The following BRPF3 variants were observed in gnomAD, a reference collection of about 807,000 sequenced individuals.
BRPF3 encodes the protein bromodomain and PHD finger-containing protein 3.
In BRPF3, 18 loss-of-function variants were observed where a neutral mutation model predicts 102.0. That is an observed-to-expected ratio of 0.18 (90% confidence interval 0.12 to 0.26). The LOEUF is 0.26. Ranked by LOEUF, BRPF3 falls within the 10% of genes least tolerant of loss-of-function variation. The probability of loss-of-function intolerance (pLI) is 1.00; values close to 1 mark genes in which losing one functional copy is unlikely to be tolerated. For missense variants in BRPF3, 1,147 were observed against 1,567.8 expected (o/e 0.73, Z 4.53); for synonymous variants, 570 against 614.2 (o/e 0.93, Z 1.06).
chr6:36,216,341 G>T (rs1768326875), intron 8 of BRPF3, among the ~76,000 whole-genome samples: 1 of 152,230 alleles, frequency 6.6e-6, no homozygotes. Context: ...AGATCCTGCT[G>T]TTGGGAAGTA....
At position 36,211,575 on chromosome 6, in the gene BRPF3, C is replaced by T; in HGVS notation, c.2482+15C>T. 6.5e-7 allele frequency: 1 copy of T among 1,548,060 alleles called. No individual in the cohort carries two copies. Among genetic ancestry groups the T allele is most frequent in the Non-Finnish European group, 8.7e-7 (1 of 1,143,864 alleles). Reference sequence around the variant, plus strand: ...TGGGGACAGAGGTGAGAGATAGTCACAGGCAGGCAGGGGGTTGGAGGGTAA... The same window carrying T: ...TGGGGACAGAGGTGAGAGATAGTCATAGGCAGGCAGGGGGTTGGAGGGTAA... On this transcript the variant is annotated intron_variant, in intron 7 of 12. Coordinates refer to ENST00000357641, the MANE Select transcript of BRPF3 (RefSeq NM_015695.3).
intron 4 of BRPF3, among the ~76,000 whole-genome samples, chr6:36,207,646 C>G (rs979078808): frequency 6.6e-6 from 1 of 152,160 alleles, no homozygotes; most frequent in South Asian, 2.1e-4. Flanking sequence ...GATTTCAGCT[C>G]CTGGTGGCCT....
Position 36,210,021 on chromosome 6 carries a change from G to C in BRPF3, c.1866+106G>C. On this transcript the variant is annotated intron_variant, in intron 5 of 12. Transcript: ENST00000357641. This position sits in a 1 kb window ranked among gnomAD's most constrained non-coding sequence, Gnocchi z 4.7. ...ACAGGGTGTACAAAACCAGGGGTAGGAGGGTGGGTCTGGCAAAGCTAGTAG... is the reference window on the plus strand; with the variant it reads ...ACAGGGTGTACAAAACCAGGGGTAGCAGGGTGGGTCTGGCAAAGCTAGTAG... 2.6e-6 allele frequency: 4 copies of C among 1,510,540 alleles called. No homozygotes were observed. The highest frequency in any genetic ancestry group is 1.9e-5 in the Admixed American group (1 of 52,458). The allele number at this position is 1,510,540 out of a possible 1,614,324, so 93.6% of individuals were successfully genotyped here.
At chr6:36,212,331 C>G (rs1322547528) in intron 7 of BRPF3, among the ~76,000 whole-genome samples, 1 of 151,948 alleles carries the variant, frequency 6.6e-6, no homozygotes, top group Non-Finnish European at 1.5e-5. Flanking sequence ...CGCACACAGT[C>G]GAAAAGGCTG....
At chr6:36,219,346 A>C (rs964207480) in intron 9 of BRPF3, among the ~76,000 whole-genome samples, 2 of 152,136 alleles carry the variant, frequency 1.3e-5, no homozygotes, top group African/African-American at 2.4e-5. Flanking sequence ...CAGGCACAGG[A>C]AAGAGAAAGA....
intron 8 of BRPF3, 139 bp downstream of exon 8, chr6:36,214,525 A>C: frequency 1.0e-4 from 111 of 1,074,432 alleles, no homozygotes; most frequent in Non-Finnish European, 1.3e-4. Context: ...ACCATAGCTC[A>C]CAGTTGGGCC....
At position 36,200,921 on chromosome 6, in the gene BRPF3, G is replaced by A. The variant is rs769122940; in HGVS notation, c.599G>A (p.Arg200His). 82 of 1,614,182 alleles carry A rather than the reference G, an allele frequency of 5.1e-5. No homozygotes were observed. In the South Asian group the frequency reaches 5.3e-4, roughly 10 times the overall value. The change falls in exon 2 of 13, where the codon CGC becomes CAC. Residue 200 changes from arginine to histidine, a missense_variant. Physicochemically the swap from Arg to His is conservative, Grantham distance 29. Around this residue, in one of 11 missense-constraint regions of BRPF3, gnomAD observed 221 missense variants for 337.1 expected, o/e 0.66. Coordinates refer to ENST00000357641, the MANE Select transcript of BRPF3 (RefSeq NM_015695.3). The surrounding 1 kb of genome is among the most constrained non-coding windows in gnomAD (Gnocchi z 5.3). ...RLEKESYLES[R>H]SSGAQQSLID... The stretch of plus-strand genomic sequence containing the variant: ...GAGAAAGAGTCATACTTGGAGAGTC[G>A]CAGCAGTGGGGCCCAACAGTCACTC...
At chr6:36,202,264 C>T (rs1005138843) in intron 2 of BRPF3, among the ~76,000 whole-genome samples, 13 of 152,146 alleles carry the variant, frequency 8.5e-5, no homozygotes, top group African/African-American at 2.7e-4. Context: ...TTCAGAGGAT[C>T]GGCATGGCCA....
At position 36,204,824 on chromosome 6, in the gene BRPF3, G is replaced by A. The variant is rs1005520876; in HGVS notation, c.1605+10G>A. 1 of 1,610,486 alleles carries A rather than the reference G, an allele frequency of 6.2e-7. No individual in the cohort carries two copies. The highest frequency in any genetic ancestry group is 8.5e-7 in the Non-Finnish European group (1 of 1,177,008). The stretch of plus-strand genomic sequence containing the variant: ...AAGAAACGCTGAGCAGGTAGGTGCA[G>A]TGGTGATTTGAGGCTGGTAGAGGGA... On this transcript the variant is annotated intron_variant, in intron 3 of 12. Transcript: ENST00000357641.
chr6:36,210,293 C>A lies in BRPF3; in HGVS notation c.1944C>A (p.Tyr648Ter), dbSNP rs1167345421. 1 of 1,614,230 alleles carries A rather than the reference C, an allele frequency of 6.2e-7. No individual in the cohort carries two copies. Among genetic ancestry groups the A allele is most frequent in the Non-Finnish European group, 8.5e-7 (1 of 1,180,034 alleles). ...GGCGGAAGCTGGAGTCCCACCTGTA[C>A]CGCACCTTGGAGGAGTTTGAGGAGG... ...TMRRKLESHL[Y>*]RTLEEFEEDF... The change falls in exon 6 of 13, where the codon TAC (tyrosine) becomes TAA (stop). Residue 648 changes from tyrosine (Y) to a stop codon, truncating the protein, a stop_gained. Transcript: ENST00000357641. LOFTEE classifies it high-confidence loss of function. This position sits in a 1 kb window ranked among gnomAD's most constrained non-coding sequence, Gnocchi z 4.7.
chr6:36,199,844 T>A (rs964233837), intron 1 of BRPF3, among the ~76,000 whole-genome samples: 1 of 152,180 alleles, frequency 6.6e-6, no homozygotes, highest in African/African-American at 2.4e-5. Context: ...AACTAATACT[T>A]ATTGAGTGGT....
intron 7 of BRPF3, 120 bp downstream of exon 7, chr6:36,211,680 A>T: frequency 1.7e-6 from 2 of 1,187,616 alleles, no homozygotes; most frequent in Non-Finnish European, 2.3e-6. Flanking sequence ...GGGCAAGCAA[A>T]AGTGCTTGGA....
At position 36,230,782 on chromosome 6, in the gene BRPF3, T is replaced by A; in HGVS notation, c.*173T>A. The A allele has an allele frequency of 1.2e-6, 1 of 821,660 alleles. No individual in the cohort carries two copies. Among genetic ancestry groups the A allele is most frequent in the East Asian group, 2.7e-5 (1 of 36,534 alleles). 50.9% of individuals were successfully genotyped at this position (821,660 alleles called of 1,614,324 possible). A position where few individuals can be genotyped will look rare whatever the true frequency, so the allele number is the denominator to read the frequency against. On this transcript the variant is annotated 3_prime_UTR_variant, in exon 13 of 13. Transcript: ENST00000357641. The surrounding 1 kb of genome is among the most constrained non-coding windows in gnomAD (Gnocchi z 5.4). ...CCCCAGTTTTGACCAATCGCATGGT[T>A]CTCCTGGCAGGCCTGCTGTGTGCCA...
At chr6:36,223,227 C>T (rs931182237) in intron 10 of BRPF3, among the ~76,000 whole-genome samples, 20 of 152,204 alleles carry the variant, frequency 1.3e-4, no homozygotes, top group Admixed American at 9.2e-4. Flanking sequence ...TCTCTTCCTT[C>T]GTTCCTTTAC....
Position 36,201,735 on chromosome 6 carries a change from C to T in BRPF3, c.1413C>T (p.Leu471=), listed in dbSNP as rs1483829010. Residue 471 remains leucine, a synonymous_variant, in exon 2 of 13, where the codon CTC becomes CTT. Coordinates refer to ENST00000357641, the MANE Select transcript of BRPF3 (RefSeq NM_015695.3). The surrounding 1 kb of genome is among the most constrained non-coding windows in gnomAD (Gnocchi z 5.1). ...EEAGQDTPST[L]PMLAVPQIPS... ...CAGGCCAAGACACACCCTCCACTCT[C>T]CCCATGCTTGCTGTCCCACAGATAC... The T allele has an allele frequency of 6.2e-7, 1 of 1,611,550 alleles. No individual in the cohort carries two copies. Among genetic ancestry groups the T allele is most frequent in the East Asian group, 2.2e-5 (1 of 44,902 alleles).
intron 2 of BRPF3, among the ~76,000 whole-genome samples, chr6:36,204,205 G>T (rs932329072): frequency 6.6e-6 from 1 of 152,314 alleles, no homozygotes; most frequent in Middle Eastern, 3.4e-3. Context: ...GGCTCAGCCT[G>T]GTTGTGGGCT....
At chr6:36,198,663 C>T (rs969064353) in intron 1 of BRPF3, among the ~76,000 whole-genome samples, 40 of 152,204 alleles carry the variant, frequency 2.6e-4, no homozygotes, top group African/African-American at 9.7e-4. Flanking sequence ...ACCGTCTCTA[C>T]TTTATATAGA....
chr6:36,225,278 C>G lies in BRPF3; in HGVS notation c.3193C>G (p.Leu1065Val). The stretch of plus-strand genomic sequence containing the variant: ...TCCCCCACCCCCAGGCAGAAGCCTC[C>G]TGCTGCCCTTTGAAGACCGCGGAGA... ...SDYNGSGRSL[L>V]LPFEDRGDLE... The change falls in exon 11 of 13, where the codon CTG becomes GTG. Residue 1065 changes from leucine to valine, a missense_variant. Coordinates refer to ENST00000357641, the MANE Select transcript of BRPF3 (RefSeq NM_015695.3). 1 of 1,608,440 alleles carries G rather than the reference C, an allele frequency of 6.2e-7. No homozygotes were observed. Among genetic ancestry groups the G allele is most frequent in the African/African-American group, 1.3e-5 (1 of 75,056 alleles).
chr6:36,218,854 G>T (rs2127293142), intron 9 of BRPF3, among the ~76,000 whole-genome samples: 1 of 152,256 alleles, frequency 6.6e-6, no homozygotes, highest in South Asian at 2.1e-4. Context: ...TATCTGAAGG[G>T]AGGATTTCTC....
Sources: gnomAD v4.1 joint callset for allele counts (sites outside exome capture counted in the v4.1 genomes callset) on GRCh38, gnomAD v4.1.1 for gene constraint, gnomAD v4.1.1 regional missense constraint, Gnocchi (gnomAD v3.1) non-coding constraint, MANE v1.5 for transcripts, NCBI Gene and HGNC (gene_info 2026-07-23, HGNC 2026-07-21) for gene names.